ADAMTS20: variants seen among roughly 807,000 people sequenced by gnomAD.
ADAMTS20 encodes ADAM metallopeptidase with thrombospondin type 1 motif 20, also known as A disintegrin and metalloproteinase with thrombospondin motifs 20.
A neutral mutation model predicts 260.1 loss-of-function variants in ADAMTS20; 225 were observed. That is an observed-to-expected ratio of 0.87 (90% CI 0.78 to 0.97). The LOEUF is 0.97. ADAMTS20 is among the 50% of genes least tolerant of loss of function. ADAMTS20 has a pLI of 0.00. For missense variants in ADAMTS20, 2,400 were observed against 2,337.7 expected (o/e 1.03, Z -0.55); for synonymous variants, 802 against 769.5 (o/e 1.04, Z -0.70).
intron 29 of ADAMTS20, among the ~76,000 whole-genome samples, chr12:43,394,106 C>A (rs936117637): frequency 2.6e-5 from 4 of 151,986 alleles, no homozygotes; most frequent in Non-Finnish European, 4.4e-5. Context: ...ACAAGTTGAA[C>A]AACAGAATCA....
At chr12:43,357,584 A>G (rs1455800287) in intron 37 of ADAMTS20, among the ~76,000 whole-genome samples, 1 of 152,254 alleles carries the variant, frequency 6.6e-6, no homozygotes, top group East Asian at 1.9e-4. Flanking sequence ...AAGATCAAAT[A>G]TTCGCATAAA....
chr12:43,483,858 C>A (rs1175449472), intron 7 of ADAMTS20, among the ~76,000 whole-genome samples: 1 of 152,082 alleles, frequency 6.6e-6, no homozygotes, highest in African/African-American at 2.4e-5. Context: ...CGCTTACTGG[C>A]CTGAAGCATG....
chr12:43,548,554 A>G (rs190727652), intron 2 of ADAMTS20, among the ~76,000 whole-genome samples: 215 of 152,344 alleles, frequency 1.4e-3, no homozygotes, highest in African/African-American at 5.0e-3. Context: ...GAAACTATTA[A>G]TCCAAAGAAA....
At chr12:43,360,576 A>G (rs1257619007) in intron 37 of ADAMTS20, among the ~76,000 whole-genome samples, 1 of 152,242 alleles carries the variant, frequency 6.6e-6, no homozygotes, top group East Asian at 1.9e-4. Flanking sequence ...AACCATGACA[A>G]GGAAGTGCTA....
intron 28 of ADAMTS20, among the ~76,000 whole-genome samples, chr12:43,411,430 C>T (rs547971120): frequency 1.5e-4 from 23 of 152,256 alleles, no homozygotes; most frequent in Admixed American, 3.3e-4. Context: ...TTCAATGGCA[C>T]GATCTCGGCT....
intron 10 of ADAMTS20, 151 bp downstream of exon 10, chr12:43,464,440 A>G: frequency 1.0e-6 from 1 of 992,326 alleles, no homozygotes; most frequent in African/African-American, 1.7e-5. Context: ...ATAAGTTTTA[A>G]TTTTCCTTTT....
At chr12:43,447,396 T>C (rs886689055) in intron 14 of ADAMTS20, among the ~76,000 whole-genome samples, 1 of 152,114 alleles carries the variant, frequency 6.6e-6, no homozygotes, top group African/African-American at 2.4e-5. Context: ...AAAAATCACA[T>C]GATTATCTCA....
At chr12:43,496,101 T>A (rs535705648) in intron 4 of ADAMTS20, among the ~76,000 whole-genome samples, 1 of 152,160 alleles carries the variant, frequency 6.6e-6, no homozygotes, top group Non-Finnish European at 1.5e-5. Context: ...CACCCCAAAT[T>A]AGATTGCCTT....
intron 11 of ADAMTS20, among the ~76,000 whole-genome samples, chr12:43,460,988 A>ATATATATAT: frequency 3.8e-5 from 1 of 26,394 alleles, no homozygotes; most frequent in Admixed American, 8.3e-4. Flanking sequence ...ATATATATAT[A>ATATATATAT]TTTTTTTTTT....
At chr12:43,386,960 A>T (rs1436820192) in intron 29 of ADAMTS20, among the ~76,000 whole-genome samples, 1 of 152,080 alleles carries the variant, frequency 6.6e-6, no homozygotes, top group Non-Finnish European at 1.5e-5. Flanking sequence ...GGAGTTTGTT[A>T]TTACCCACCT....
chr12:43,393,805 T>C (rs1940645083), intron 29 of ADAMTS20, among the ~76,000 whole-genome samples: 1 of 152,074 alleles, frequency 6.6e-6, no homozygotes, highest in African/African-American at 2.4e-5. Flanking sequence ...TCCTAATTTC[T>C]CTTTCATTAT....
intron 7 of ADAMTS20, among the ~76,000 whole-genome samples, chr12:43,484,421 G>A (rs1334914527): frequency 6.6e-6 from 1 of 151,948 alleles, no homozygotes; most frequent in African/African-American, 2.4e-5. Flanking sequence ...AAACAAATAG[G>A]ATTTTTAAAG....
intron 2 of ADAMTS20, among the ~76,000 whole-genome samples, chr12:43,545,153 C>G (rs1943426249): frequency 6.6e-6 from 1 of 152,186 alleles, no homozygotes; most frequent in Non-Finnish European, 1.5e-5. Context: ...TAAATAGCCT[C>G]TCTTCCTTAC....
At chr12:43,532,540 C>CTT (rs11389735) in intron 2 of ADAMTS20, among the ~76,000 whole-genome samples, 14,986 of 141,344 alleles carry the variant, frequency 0.11, 916 homozygotes, top group Middle Eastern at 0.13. Context: ...AAAATAGATA[C>CTT]TTTTTTTTTT....
At chr12:43,433,693 T>A (rs901334356) in intron 19 of ADAMTS20, 1 of 330,076 alleles carries the variant, frequency 3.0e-6, no homozygotes, top group Non-Finnish European at 5.6e-6. Context: ...CACACACACA[T>A]GCACACACAA....
chr12:43,452,163 G>A, intron 14 of ADAMTS20, 111 bp downstream of exon 14: 1 of 1,155,768 alleles, frequency 8.7e-7, no homozygotes, highest in South Asian at 1.7e-5. Flanking sequence ...TTGTTGGAAT[G>A]CATAAGAACA....
At chr12:43,497,945 A>G (rs1942700573) in intron 4 of ADAMTS20, among the ~76,000 whole-genome samples, 1 of 152,136 alleles carries the variant, frequency 6.6e-6, no homozygotes, top group Non-Finnish European at 1.5e-5. Context: ...CTATTAAATA[A>G]CAAATTGAGT....
chr12:43,501,460 TACGCGCGCGCGC>T (rs1202061308), intron 4 of ADAMTS20, among the ~76,000 whole-genome samples: 6 of 92,098 alleles, frequency 6.5e-5, no homozygotes, highest in African/African-American at 1.3e-4. Flanking sequence ...TGGAGGGGGA[TACGCGCGCGCGC>T]GCGCGCGCGC....
chr12:43,438,738 A>G (rs571471328), intron 18 of ADAMTS20, among the ~76,000 whole-genome samples: 1 of 152,038 alleles, frequency 6.6e-6, no homozygotes, highest in African/African-American at 2.4e-5. Context: ...CTTTGCCCTG[A>G]CCCACTCCTG....
Sources: allele counts gnomAD v4.1 joint callset (sites outside exome capture counted in the v4.1 genomes callset), GRCh38; gene constraint gnomAD v4.1.1; transcripts MANE v1.5; gene names NCBI Gene and HGNC (gene_info 2026-07-23, HGNC 2026-07-21).